TRPM3: variants seen among roughly 807,000 people sequenced by gnomAD.
The protein encoded by TRPM3 is transient receptor potential cation channel subfamily M member 3.
In TRPM3, 77 loss-of-function variants were observed where a neutral mutation model predicts 181.2. That is an observed-to-expected ratio of 0.42 (90% CI 0.35 to 0.51). The LOEUF is 0.51. Ranked by LOEUF, TRPM3 falls within the 20% of genes least tolerant of loss-of-function variation. The probability of loss-of-function intolerance (pLI) is 0.01; values close to 1 mark genes in which losing one functional copy is unlikely to be tolerated. For missense variants in TRPM3, 1,759 were observed against 2,196.7 expected, an observed-to-expected ratio of 0.80 and a Z score of 3.98; for synonymous variants, 745 against 796.4, an observed-to-expected ratio of 0.94 and a Z score of 1.09.
chr9:71,437,918 T>C (rs1294667285), intron 1 of TRPM3, among the ~76,000 whole-genome samples: 2 of 151,732 alleles, frequency 1.3e-5, no homozygotes, highest in African/African-American at 4.8e-5. Flanking sequence ...TTTGGCTCTT[T>C]GAAGAAAAAT....
At chr9:70,626,928 C>G (rs2133309191) in intron 12 of TRPM3, among the ~76,000 whole-genome samples, 1 of 152,186 alleles carries the variant, frequency 6.6e-6, no homozygotes, top group Middle Eastern at 3.4e-3. Flanking sequence ...TTTGATTTAT[C>G]TTTATATCCT....
intron 9 of TRPM3, among the ~76,000 whole-genome samples, chr9:70,646,358 G>A (rs1401099345): frequency 2.0e-5 from 3 of 152,178 alleles, no homozygotes; most frequent in African/African-American, 7.2e-5. Context: ...AGAAAATGTG[G>A]CACATATACA....
intron 22 of TRPM3, among the ~76,000 whole-genome samples, chr9:70,556,551 GTCTC>G (rs1190278111): frequency 6.6e-6 from 1 of 152,016 alleles, no homozygotes; most frequent in African/African-American, 2.4e-5. Context: ...GCAAAACCCT[GTCTC>G]TATTAAAAAT....
intron 1 of TRPM3, among the ~76,000 whole-genome samples, chr9:71,239,544 G>C (rs1340895278): frequency 1.3e-5 from 2 of 152,008 alleles, no homozygotes; most frequent in Non-Finnish European, 1.5e-5. Context: ...TTCACTAAAA[G>C]TATTAGCAGA....
At chr9:71,009,295 G>A (rs997360103) in intron 1 of TRPM3, among the ~76,000 whole-genome samples, 1 of 152,142 alleles carries the variant, frequency 6.6e-6, no homozygotes, top group Admixed American at 6.5e-5. Context: ...AAAGGAAGAA[G>A]TTGAATGATG....
At chr9:70,866,163 T>C (rs1302769281) in intron 1 of TRPM3, among the ~76,000 whole-genome samples, 1 of 152,112 alleles carries the variant, frequency 6.6e-6, no homozygotes, top group Non-Finnish European at 1.5e-5. Context: ...CTTTCATTGA[T>C]AATATCTCTT....
intron 1 of TRPM3, among the ~76,000 whole-genome samples, chr9:71,137,402 G>A (rs948450404): frequency 4.6e-5 from 7 of 152,126 alleles, no homozygotes; most frequent in African/African-American, 1.2e-4. Flanking sequence ...ACTTAAGTAC[G>A]TAAGTCAATA....
chr9:71,287,638 A>G (rs904949070), intron 1 of TRPM3, among the ~76,000 whole-genome samples: 3 of 88,982 alleles, frequency 3.4e-5, no homozygotes, highest in Admixed American at 9.4e-5. Context: ...ATTTACTCAG[A>G]AAAAAAAAAA....
At chr9:70,583,748 C>T (rs1281127728) in intron 22 of TRPM3, among the ~76,000 whole-genome samples, 2 of 152,156 alleles carry the variant, frequency 1.3e-5, no homozygotes, top group Non-Finnish European at 2.9e-5. Flanking sequence ...ACAAAGTCTC[C>T]AGTTCTATCC....
At chr9:71,116,323 AC>A (rs2072372615) in intron 1 of TRPM3, among the ~76,000 whole-genome samples, 1 of 152,176 alleles carries the variant, frequency 6.6e-6, no homozygotes. Flanking sequence ...ACATCATTCT[AC>A]CTCCTTTGTA....
intron 25 of TRPM3, among the ~76,000 whole-genome samples, chr9:70,548,947 G>C (rs2045778636): frequency 1.3e-5 from 2 of 151,606 alleles, no homozygotes; most frequent in African/African-American, 4.8e-5. Flanking sequence ...TGGCCCATGA[G>C]ATCTAAATGT....
chr9:71,130,198 C>G (rs889891331), intron 1 of TRPM3, among the ~76,000 whole-genome samples: 3 of 151,926 alleles, frequency 2.0e-5, no homozygotes, highest in African/African-American at 7.3e-5. Context: ...GTTTTGAATT[C>G]AAAGATAAAC....
chr9:70,616,448 A>G lies in TRPM3; in HGVS notation c.2359-373T>C, dbSNP rs190440008. 1.4e-3 allele frequency among the ~76,000 whole-genome samples: 220 copies of G among 151,980 alleles called. 2 individuals carry two copies. The highest frequency in any genetic ancestry group is 2.8e-3 in the Non-Finnish European group (187 of 67,994). ...AAAGTGGGAAAGAATTCAGATTTAC[A>G]TTTAGCCATTAGACAGCGCTTGATT... is the stretch of plus-strand genomic sequence containing the variant. On this transcript the variant is annotated intron_variant, in intron 17 of 25. Coordinates refer to ENST00000677713, the MANE Select transcript of TRPM3 (RefSeq NM_001366145.2).
intron 1 of TRPM3, among the ~76,000 whole-genome samples, chr9:71,049,475 G>A (rs1323298367): frequency 6.6e-6 from 1 of 152,068 alleles, no homozygotes. Context: ...ATCCATATCT[G>A]AAGTGAGTTT....
intron 18 of TRPM3, 65 bp downstream of exon 18, chr9:70,615,843 A>T (rs2062701378): frequency 6.7e-7 from 1 of 1,488,056 alleles, no homozygotes; most frequent in Non-Finnish European, 9.1e-7. Flanking sequence ...AATCTTGAGC[A>T]TATCGGTGGG....
At chr9:70,967,583 A>G (rs1423329217) in intron 1 of TRPM3, among the ~76,000 whole-genome samples, 1 of 152,090 alleles carries the variant, frequency 6.6e-6, no homozygotes, top group Non-Finnish European at 1.5e-5. Flanking sequence ...TTTCATGTCT[A>G]TTAGCATTCT....
At chr9:71,045,610 G>C (rs944063752) in intron 1 of TRPM3, among the ~76,000 whole-genome samples, 8 of 152,164 alleles carry the variant, frequency 5.3e-5, no homozygotes, top group African/African-American at 1.9e-4. Context: ...ATGAGGCAGG[G>C]GGACAGATGA....
chr9:70,755,127 A>G (rs2076831157), intron 8 of TRPM3, among the ~76,000 whole-genome samples: 1 of 152,178 alleles, frequency 6.6e-6, no homozygotes, highest in East Asian at 1.9e-4. Flanking sequence ...TTGCTTCTTA[A>G]GAACACACAG....
At chr9:71,306,853 C>A (rs909759611) in intron 1 of TRPM3, among the ~76,000 whole-genome samples, 2 of 151,924 alleles carry the variant, frequency 1.3e-5, no homozygotes, top group Non-Finnish European at 2.9e-5. Flanking sequence ...AGCCTGGTGA[C>A]AGAGCGAGAC....
Sources: gnomAD v4.1 joint callset for allele counts (sites outside exome capture counted in the v4.1 genomes callset) on GRCh38, gnomAD v4.1.1 for gene constraint, MANE v1.5 for transcripts, NCBI Gene and HGNC (gene_info 2026-07-23, HGNC 2026-07-21) for gene names.